H2BC5: variants seen among roughly 807,000 people sequenced by gnomAD.
H2BC5 encodes histone H2B type 1-D.
A neutral mutation model predicts 5.7 loss-of-function variants in H2BC5; 9 were observed. The ratio of observed to expected loss-of-function variants is 1.57; its 90% confidence interval spans 0.95 to 2.74. The LOEUF is 2.74. H2BC5 is among the 30% of genes most tolerant of loss of function. The pLI is 0.00. For missense variants in H2BC5, 175 were observed against 168.8 expected (o/e 1.04, Z -0.20); for synonymous variants, 133 against 70.9 (o/e 1.88, Z -4.40).
intron 1 of H2BC5, among the ~76,000 whole-genome samples, chr6:26,166,315 A>G (rs1304206484): frequency 6.6e-6 from 1 of 152,104 alleles, no homozygotes; most frequent in Non-Finnish European, 1.5e-5. Context: ...GTCTCAAACC[A>G]TGGTCTCTGC....
At chr6:26,170,836 T>C (rs776404072) in intron 1 of H2BC5, 1 of 152,212 alleles carries the variant, frequency 6.6e-6, no homozygotes, top group Non-Finnish European at 1.5e-5. Flanking sequence ...GCTACTAAAG[T>C]GTAGCTAGAA....
chr6:26,164,130 C>G, intron 1 of H2BC5: 1 of 444,922 alleles, frequency 2.2e-6, no homozygotes, highest in Non-Finnish European at 4.6e-6. Flanking sequence ...TGAGTAGATC[C>G]CCCCGTGGGT....
At chr6:26,163,019 G>A (rs1380920384), downstream of H2BC5, among the ~76,000 whole-genome samples, 3 of 151,752 alleles carry the variant, frequency 2.0e-5, no homozygotes, top group African/African-American at 7.3e-5. Flanking sequence ...AATCTTATTT[G>A]GTCATGGTAT....
At chr6:26,169,671 C>A (rs904501409) in intron 1 of H2BC5, among the ~76,000 whole-genome samples, 1 of 151,986 alleles carries the variant, frequency 6.6e-6, no homozygotes, top group Non-Finnish European at 1.5e-5. Context: ...AAGAAGCAAA[C>A]TCCTACTAAA....
Position 26,158,505 on chromosome 6 carries a change from G to A in H2BC5, c.336G>A (p.Val112=). 1 of 1,614,266 alleles carries A rather than the reference G, an allele frequency of 6.2e-7. No homozygotes were observed. Among genetic ancestry groups the A allele is most frequent in the Non-Finnish European group, 8.5e-7 (1 of 1,180,056 alleles). The stretch of plus-strand genomic sequence containing the variant: ...CGGGGGAGCTGGCCAAGCACGCCGT[G>A]TCGGAGGGCACCAAGGCCGTCACCA... ...LLPGELAKHA[V]SEGTKAVTKY... is the part of the protein sequence containing the mutation. Residue 112 remains valine, a synonymous_variant, in exon 1 of 1, where the codon GTG becomes GTA. Transcript: ENST00000377777.
rs748939775 is a variant in H2BC5 at position 26,158,564 on chromosome 6, G to A, written c.*14G>A. Reference sequence around the variant, plus strand: ...AGTTCCAAGTAACTTTGCCAAGTAAGCATCTTTACACCTAATCCCAAAGGC... The same window carrying A: ...AGTTCCAAGTAACTTTGCCAAGTAAACATCTTTACACCTAATCCCAAAGGC... On this transcript the variant is annotated 3_prime_UTR_variant, in exon 1 of 1. Coordinates refer to ENST00000377777, the MANE Select transcript of H2BC5 (RefSeq NM_021063.4). The A allele has an allele frequency of 1.4e-5, 22 of 1,613,982 alleles. No homozygotes were observed. Among genetic ancestry groups the A allele is most frequent in the South Asian group, 7.7e-5 (7 of 91,070 alleles).
intron 1 of H2BC5, among the ~76,000 whole-genome samples, chr6:26,166,576 G>A (rs1026705434): frequency 1.3e-5 from 2 of 152,114 alleles, no homozygotes; most frequent in Non-Finnish European, 2.9e-5. Context: ...GGCCAGGGGG[G>A]CTGCCATCTT....
chr6:26,162,888 T>C (rs532685020), downstream of H2BC5, among the ~76,000 whole-genome samples: 2 of 152,282 alleles, frequency 1.3e-5, no homozygotes, highest in Non-Finnish European at 2.9e-5. Flanking sequence ...AGGTATGATT[T>C]ATGAATTTTA....
At chr6:26,158,737 A>C, downstream of H2BC5, 3 of 974,246 alleles carry the variant, frequency 3.1e-6, no homozygotes, top group Non-Finnish European at 3.0e-6. Flanking sequence ...GGGAATAACA[A>C]TAGGTACTAG....
At chr6:26,158,724 AC>A, downstream of H2BC5, 1 of 1,069,940 alleles carries the variant, frequency 9.3e-7, no homozygotes, top group South Asian at 1.7e-5. Context: ...CTTGGAAGTT[AC>A]AGGGAATAAC....
chr6:26,171,151 G>C (rs987208948), exon 2 of H2BC5: 1 of 152,148 alleles, frequency 6.6e-6, no homozygotes, highest in Non-Finnish European at 1.5e-5. Context: ...CCGAGGGGAA[G>C]GAACTAAAGG....
downstream of H2BC5, among the ~76,000 whole-genome samples, chr6:26,161,875 T>C (rs142076824): frequency 6.6e-6 from 1 of 152,322 alleles, no homozygotes; most frequent in African/African-American, 2.4e-5. Context: ...GGGAGAATGA[T>C]GCAAATGTGA....
chr6:26,168,758 A>G (rs1764474241), intron 1 of H2BC5, among the ~76,000 whole-genome samples: 3 of 152,194 alleles, frequency 2.0e-5, no homozygotes, highest in African/African-American at 4.8e-5. Context: ...GACTTTTCCC[A>G]GATATTGTAA....
At chr6:26,165,447 T>C (rs1342542770) in intron 1 of H2BC5, among the ~76,000 whole-genome samples, 1 of 152,130 alleles carries the variant, frequency 6.6e-6, no homozygotes, top group Non-Finnish European at 1.5e-5. Context: ...GCTACCGTTG[T>C]GTCCCTGCTC....
chr6:26,160,016 GTCATC>G (rs1764327325), downstream of H2BC5, among the ~76,000 whole-genome samples: 2 of 152,132 alleles, frequency 1.3e-5, no homozygotes, highest in Non-Finnish European at 2.9e-5. Context: ...ACCTAAATCT[GTCATC>G]TCAAGAGTAG....
intron 1 of H2BC5, among the ~76,000 whole-genome samples, chr6:26,164,579 G>T: frequency 6.9e-6 from 1 of 145,864 alleles, no homozygotes. Flanking sequence ...TTCTGAGAGG[G>T]GAGAGCAAGG....
intron 1 of H2BC5, among the ~76,000 whole-genome samples, chr6:26,169,878 G>A (rs948842774): frequency 6.6e-6 from 1 of 151,900 alleles, no homozygotes; most frequent in East Asian, 1.9e-4. Context: ...TCCAGCCTGG[G>A]TGGCAGGGCG....
At chr6:26,171,261 T>TTAG (rs1657258214) in exon 2 of H2BC5, 1 of 152,228 alleles carries the variant, frequency 6.6e-6, no homozygotes, top group Non-Finnish European at 1.5e-5. Context: ...TGCCATGGAC[T>TTAG]ACCTTTGCTA....
downstream of H2BC5, chr6:26,158,698 A>C: frequency 4.0e-6 from 5 of 1,261,140 alleles, no homozygotes; most frequent in Non-Finnish European, 5.4e-6. Flanking sequence ...TTACGTTAGT[A>C]CTGCAGAGGA....
Sources: allele counts gnomAD v4.1 joint callset (sites outside exome capture counted in the v4.1 genomes callset), GRCh38; gene constraint gnomAD v4.1.1; transcripts MANE v1.5; gene names NCBI Gene and HGNC (gene_info 2026-07-23, HGNC 2026-07-21).